Variants in PLCL1 observed in about 807,000 individuals in gnomAD.
The protein encoded by PLCL1 is phospholipase C like 1 (inactive), also known as inactive phospholipase C-like protein 1.
PLCL1 carries 41 observed loss-of-function variants against 84.4 expected under a neutral mutation model. The observed-to-expected ratio is 0.49, with a 90% CI of 0.38 to 0.63. The LOEUF is 0.63. Among genes scored for constraint, PLCL1 ranks in the 30% least tolerant of loss-of-function variants. PLCL1 has a pLI of 0.00. For missense variants in PLCL1, 1,206 were observed against 1,367.8 expected (o/e 0.88, Z 1.87); for synonymous variants, 490 against 488.3 (o/e 1.00, Z -0.05).
At chr2:197,910,357 A>AT (rs1266959980) in intron 1 of PLCL1, among the ~76,000 whole-genome samples, 1 of 152,230 alleles carries the variant, frequency 6.6e-6, no homozygotes, top group Non-Finnish European at 1.5e-5. Context: ...TAAGTGGACC[A>AT]TCTTGTCCTA....
chr2:198,078,772 A>G, intron 1 of PLCL1, among the ~76,000 whole-genome samples: 1 of 152,182 alleles, frequency 6.6e-6, no homozygotes, highest in East Asian at 1.9e-4. Context: ...TAGATATTTA[A>G]ATATGCTCAT....
At chr2:197,852,283 TG>T (rs1687254811) in intron 1 of PLCL1, among the ~76,000 whole-genome samples, 1 of 152,190 alleles carries the variant, frequency 6.6e-6, no homozygotes, top group African/African-American at 2.4e-5. Flanking sequence ...TGCTGTGTGC[TG>T]CAGCCTGCCC....
intron 1 of PLCL1, among the ~76,000 whole-genome samples, chr2:197,894,627 C>A (rs557438473): frequency 6.6e-6 from 1 of 151,894 alleles, no homozygotes; most frequent in Non-Finnish European, 1.5e-5. Flanking sequence ...AAACTGTGGC[C>A]GCTTGTCTTA....
At chr2:197,967,498 C>A (rs1344838124) in intron 1 of PLCL1, among the ~76,000 whole-genome samples, 1 of 152,190 alleles carries the variant, frequency 6.6e-6, no homozygotes, top group Admixed American at 6.5e-5. Context: ...AACTGGAATG[C>A]ATTCTAAACT....
intron 1 of PLCL1, among the ~76,000 whole-genome samples, chr2:198,041,824 A>C (rs1216515039): frequency 6.6e-6 from 1 of 152,214 alleles, no homozygotes; most frequent in Non-Finnish European, 1.5e-5. Flanking sequence ...TGAAGAGAGC[A>C]AAGGTAACAA....
chr2:198,146,007 T>G (rs891168346), intron 5 of PLCL1, among the ~76,000 whole-genome samples: 16 of 152,200 alleles, frequency 1.1e-4, no homozygotes, highest in Admixed American at 9.2e-4. Flanking sequence ...CATTCAGCCC[T>G]TGGGCCAGTA....
At chr2:197,945,197 A>G (rs1331052404) in intron 1 of PLCL1, among the ~76,000 whole-genome samples, 3 of 152,236 alleles carry the variant, frequency 2.0e-5, no homozygotes, top group Non-Finnish European at 4.4e-5. Flanking sequence ...TTCAGATCAG[A>G]GGATGCTTGG....
Position 197,946,574 on chromosome 2 carries a change from A to G in PLCL1, c.241-137184A>G, listed in dbSNP as rs111791366. ...GGAAGTTAGAAAGATATATGAACAG[A>G]TAACTAACATTTCCAGAGTTCTGGA... On this transcript the variant is annotated intron_variant, in intron 1 of 5. Transcript: ENST00000428675. Among the ~76,000 whole-genome samples the G allele has an allele frequency of 5.3e-5, 8 of 152,286 alleles. 1 individual carries two copies. Among genetic ancestry groups the G allele is most frequent in the African/African-American group, 1.9e-4 (8 of 41,560 alleles).
intron 1 of PLCL1, among the ~76,000 whole-genome samples, chr2:198,039,464 G>A (rs1574266185): frequency 6.6e-6 from 1 of 152,188 alleles, no homozygotes; most frequent in South Asian, 2.1e-4. Flanking sequence ...GTTTGTTACT[G>A]TAATAATGAA....
intron 3 of PLCL1, among the ~76,000 whole-genome samples, chr2:198,091,725 TAAA>T (rs1693046644): frequency 9.2e-6 from 1 of 108,808 alleles, no homozygotes; most frequent in African/African-American, 4.9e-5. Context: ...TAAAATAAAA[TAAA>T]ATAAAATAAA....
intron 1 of PLCL1, among the ~76,000 whole-genome samples, chr2:197,817,023 C>T (rs1323422215): frequency 6.6e-6 from 1 of 152,072 alleles, no homozygotes; most frequent in East Asian, 1.9e-4. Context: ...AGTGTCATGG[C>T]CAAATGGTAC....
intron 1 of PLCL1, among the ~76,000 whole-genome samples, chr2:197,983,208 T>C (rs865812462): frequency 3.4e-3 from 43 of 12,738 alleles, no homozygotes; most frequent in African/African-American, 0.02. Context: ...TTCTTTTTTT[T>C]TTTTTTTTTT....
intron 5 of PLCL1, among the ~76,000 whole-genome samples, chr2:198,140,340 A>G (rs1160057400): frequency 6.6e-6 from 1 of 152,178 alleles, no homozygotes; most frequent in Non-Finnish European, 1.5e-5. Flanking sequence ...GACTTCACTT[A>G]TATGTAGAAT....
Position 197,921,074 on chromosome 2 carries a change from T to C in PLCL1, c.240+115735T>C, listed in dbSNP as rs780919070. Among the ~76,000 whole-genome samples, 6 of 152,322 alleles carry C rather than the reference T, an allele frequency of 3.9e-5. 1 individual carries two copies. Among genetic ancestry groups the C allele is most frequent in the South Asian group, 4.1e-4 (2 of 4,828 alleles). ...ACCTAGGCTACATGATACAACCTAT[T>C]GCTCCTAGGCTACAAAGAATGCAGC... is the stretch of plus-strand genomic sequence containing the variant. On this transcript the variant is annotated intron_variant, in intron 1 of 5. Transcript: ENST00000428675.
chr2:197,902,717 TA>T (rs1315950106), intron 1 of PLCL1, among the ~76,000 whole-genome samples: 2 of 152,184 alleles, frequency 1.3e-5, no homozygotes, highest in African/African-American at 4.8e-5. Context: ...ATGCTGAGAC[TA>T]AAACTCTCCT....
At chr2:198,020,927 C>A (rs999260697) in intron 1 of PLCL1, among the ~76,000 whole-genome samples, 3 of 152,178 alleles carry the variant, frequency 2.0e-5, no homozygotes, top group African/African-American at 7.2e-5. Context: ...CTCACCACCC[C>A]AAATCAACAG....
intron 1 of PLCL1, among the ~76,000 whole-genome samples, chr2:197,950,254 T>G (rs1001196484): frequency 2.6e-5 from 4 of 152,144 alleles, no homozygotes; most frequent in Non-Finnish European, 4.4e-5. Context: ...GTTTGACTTT[T>G]CTCTGTTTTG....
At chr2:198,130,257 C>A (rs1158656392) in intron 5 of PLCL1, among the ~76,000 whole-genome samples, 1 of 152,124 alleles carries the variant, frequency 6.6e-6, no homozygotes, top group Non-Finnish European at 1.5e-5. Flanking sequence ...GACACCACCC[C>A]CTTCTCTCTT....
intron 1 of PLCL1, among the ~76,000 whole-genome samples, chr2:197,826,101 CA>C (rs1297768273): frequency 6.6e-6 from 1 of 152,218 alleles, no homozygotes; most frequent in Non-Finnish European, 1.5e-5. Context: ...AGCCTCACAA[CA>C]GCAGTGGACT....
Sources: allele counts gnomAD v4.1 joint callset (sites outside exome capture counted in the v4.1 genomes callset), GRCh38; gene constraint gnomAD v4.1.1; transcripts MANE v1.5; gene names NCBI Gene and HGNC (gene_info 2026-07-23, HGNC 2026-07-21).